Variants in NDUFAF6 observed in about 807,000 individuals in gnomAD.
NDUFAF6 encodes NADH:ubiquinone oxidoreductase complex assembly factor 6.
NDUFAF6 carries 45 observed loss-of-function variants against 40.8 expected under a neutral mutation model. That is an observed-to-expected ratio of 1.10 (90% CI 0.87 to 1.42). The LOEUF is 1.42. NDUFAF6 is among the 40% of genes most tolerant of loss of function. The pLI is 0.00. For missense variants in NDUFAF6, 435 were observed against 418.5 expected (o/e 1.04, Z -0.34); for synonymous variants, 185 against 155.9 (o/e 1.19, Z -1.39).
At chr8:95,006,799 G>C (rs1827008554) in intron 2 of NDUFAF6, among the ~76,000 whole-genome samples, 1 of 151,954 alleles carries the variant, frequency 6.6e-6, no homozygotes, top group Non-Finnish European at 1.5e-5. Flanking sequence ...AGGTTGACTT[G>C]AGCCCAGGAG....
At chr8:95,033,307 G>T (rs1395834139) in intron 2 of NDUFAF6, among the ~76,000 whole-genome samples, 4 of 152,086 alleles carry the variant, frequency 2.6e-5, no homozygotes, top group Admixed American at 6.6e-5. Context: ...AGCCCCTAAA[G>T]TGCTGGGATT....
In NDUFAF6 at chr8:94,943,329, A is replaced by T. The variant is rs1053388193; in HGVS notation, c.-935-2154A>T. 9.9e-5 allele frequency among the ~76,000 whole-genome samples: 15 copies of T among 152,212 alleles called. No homozygotes were observed. The South Asian group carries it at 1.5e-3, about 15-fold the overall frequency. The stretch of plus-strand genomic sequence containing the variant: ...CAAAATAACCTGTTTCTACAAAAAA[A>T]TTTTAAAAAATTAGCCAGGTACAGT... On this transcript the variant is annotated intron_variant, in intron 1 of 14. Transcript: ENST00000396113.
At chr8:95,116,984 G>C (rs1810148830), downstream of NDUFAF6, among the ~76,000 whole-genome samples, 1 of 152,166 alleles carries the variant, frequency 6.6e-6, no homozygotes, top group African/African-American at 2.4e-5. Context: ...AACAGTCCTG[G>C]GATCATATGT....
In NDUFAF6 at chr8:95,025,036, T is replaced by TG. The variant is rs1184320523; in HGVS notation, c.33dup (p.Pro12AlafsTer47). The stretch of plus-strand genomic sequence containing the variant: ...GGCGGCCTCCGCGCACGGCTCTGTC[T>TG]GGGGGCCGTTGCGGCTTGGCATCCC... On this transcript the variant is annotated frameshift_variant, in exon 1 of 9. Transcript: ENST00000396124. LOFTEE classifies it high-confidence loss of function. 2 of 1,412,268 alleles carry TG rather than the reference T, an allele frequency of 1.4e-6. No individual in the cohort carries two copies. The highest frequency in any genetic ancestry group is 1.6e-5 in the South Asian group (1 of 62,720). 87.5% of individuals were successfully genotyped at this position (1,412,268 alleles called of 1,614,324 possible).
rs1829028924 is a variant in NDUFAF6 at position 95,032,905 on chromosome 8, C to T, written c.297+811C>T. ...GACTGGCTGTTTTTTCCTCTGGTAT[C>T]TTCCTGGAAGTCATGGGTTATGATT... On this transcript the variant is annotated intron_variant, in intron 2 of 8. Transcript: ENST00000396124. Among the ~76,000 whole-genome samples the T allele has an allele frequency of 2.0e-5, 3 of 152,244 alleles. No homozygotes were observed. The South Asian group carries it at 6.2e-4, about 32-fold the overall frequency.
intron 1 of NDUFAF6, among the ~76,000 whole-genome samples, chr8:94,942,207 CTTT>C (rs921262568): frequency 1.3e-5 from 2 of 148,682 alleles, no homozygotes; most frequent in Non-Finnish European, 3.0e-5. Context: ...CGGCTAATTT[CTTT>C]TTTTTTTATT....
exon 2 of NDUFAF6, chr8:94,980,939 A>G (rs755972126): frequency 1.8e-5 from 8 of 456,608 alleles, no homozygotes; most frequent in South Asian, 4.6e-5. Context: ...GCCTATGCCA[A>G]TCAGCATTTC....
Position 95,058,132 on chromosome 8 carries a change from C to G in NDUFAF6, c.*195C>G. The G allele has an allele frequency of 6.9e-7, 1 of 1,444,982 alleles. No individual in the cohort carries two copies. Among genetic ancestry groups the G allele is most frequent in the Non-Finnish European group, 9.0e-7 (1 of 1,110,048 alleles). 89.5% of individuals were successfully genotyped at this position (1,444,982 alleles called of 1,614,324 possible). On this transcript the variant is annotated 3_prime_UTR_variant, in exon 9 of 9. Coordinates refer to ENST00000396124, the MANE Select transcript of NDUFAF6 (RefSeq NM_152416.4). ...TGCTGAGATTCTGGCAGAGGCACTG[C>G]CATTGGCACCCCTGGCCCAGACAGT...
intron 1 of NDUFAF6, among the ~76,000 whole-genome samples, chr8:94,943,749 C>T (rs1404024507): frequency 6.6e-6 from 1 of 152,184 alleles, no homozygotes; most frequent in African/African-American, 2.4e-5. Flanking sequence ...AAATAAATAA[C>T]ATTAGAACAC....
intron 3 of NDUFAF6, among the ~76,000 whole-genome samples, chr8:95,035,806 T>G (rs1829436565): frequency 6.6e-6 from 1 of 152,258 alleles, no homozygotes; most frequent in South Asian, 2.1e-4. Flanking sequence ...GAAGAATTAG[T>G]CTCTACATAA....
At chr8:94,938,822 TAATC>T (rs1305290735) in intron 1 of NDUFAF6, among the ~76,000 whole-genome samples, 2 of 152,204 alleles carry the variant, frequency 1.3e-5, no homozygotes, top group Non-Finnish European at 2.9e-5. Context: ...TCTAGCAAAT[TAATC>T]AAACCCAAGG....
chr8:94,928,506 TAGTA>T (rs1285234815), intron 1 of NDUFAF6: 2 of 152,502 alleles, frequency 1.3e-5, no homozygotes, highest in African/African-American at 4.8e-5. Context: ...TAAACACAAA[TAGTA>T]AGAGAAAACA....
chr8:95,107,657 G>C (rs2132083331), downstream of NDUFAF6, among the ~76,000 whole-genome samples: 1 of 152,224 alleles, frequency 6.6e-6, no homozygotes, highest in South Asian at 2.1e-4. Flanking sequence ...CTGAAAAGGT[G>C]AATTTTATCT....
chr8:95,048,436 A>G (rs749675455), intron 6 of NDUFAF6, 21 bp from the exon 7 acceptor site: 7 of 1,555,598 alleles, frequency 4.5e-6, no homozygotes, highest in Non-Finnish European at 5.3e-6. Context: ...TTCCTAATAT[A>G]ATGTATATTT....
rs372943182 is a variant in NDUFAF6 at position 95,047,140 on chromosome 8, T to A, written c.714+13T>A. 30 of 1,614,000 alleles carry A rather than the reference T, an allele frequency of 1.9e-5. No homozygotes were observed. The highest frequency in any genetic ancestry group is 2.3e-5 in the Non-Finnish European group (27 of 1,179,984). On this transcript the variant is annotated intron_variant, in intron 6 of 8. Coordinates refer to ENST00000396124, the MANE Select transcript of NDUFAF6 (RefSeq NM_152416.4). ...TATTTGTATGCTGGTAAGGCTGTAA[T>A]TTGTACCTTTGAATAATTTACCTCA...
intron 1 of NDUFAF6, among the ~76,000 whole-genome samples, chr8:95,028,301 A>G (rs1828419977): frequency 6.6e-6 from 1 of 152,218 alleles, no homozygotes; most frequent in Non-Finnish European, 1.5e-5. Flanking sequence ...TTATATATAC[A>G]TCCGTAATAT....
intron 1 of NDUFAF6, among the ~76,000 whole-genome samples, chr8:94,901,346 A>G (rs1420475385): frequency 6.6e-6 from 1 of 152,070 alleles, no homozygotes; most frequent in African/African-American, 2.4e-5. Context: ...GATGGGTGCA[A>G]TGCAGGGAAG....
intron 1 of NDUFAF6, among the ~76,000 whole-genome samples, chr8:94,974,057 A>G (rs1375046001): frequency 6.6e-6 from 1 of 152,112 alleles, no homozygotes; most frequent in Non-Finnish European, 1.5e-5. Context: ...GGAACTCCAG[A>G]AAGCCACTCA....
At chr8:95,043,394 G>GT (rs1430956099) in intron 4 of NDUFAF6, among the ~76,000 whole-genome samples, 9 of 151,916 alleles carry the variant, frequency 5.9e-5, no homozygotes, top group African/African-American at 9.7e-5. Flanking sequence ...CTAGGCAGTG[G>GT]TTTTTTAGAT....
Sources: allele counts gnomAD v4.1 joint callset (sites outside exome capture counted in the v4.1 genomes callset), GRCh38; gene constraint gnomAD v4.1.1; transcripts MANE v1.5; gene names NCBI Gene and HGNC (gene_info 2026-07-23, HGNC 2026-07-21).